PRDM12: variants seen among roughly 807,000 people sequenced by gnomAD.
PRDM12 encodes the protein PR/SET domain 12.
Under a neutral mutation model 29.6 loss-of-function variants are expected in PRDM12, and 17 were observed. The observed-to-expected ratio is 0.57, with a 90% CI of 0.39 to 0.86. The LOEUF (loss-of-function observed/expected upper bound fraction) is 0.86, where lower values mean the gene tolerates loss of function less well. PRDM12 is among the 40% of genes least tolerant of loss of function. PRDM12 has a pLI of 0.00. For synonymous variants in PRDM12, 231 were observed against 225.8 expected, an observed-to-expected ratio of 1.02 and a Z score of -0.21; for missense variants, 422 against 510.8, an observed-to-expected ratio of 0.83 and a Z score of 1.68.
In PRDM12 at chr9:130,680,655, ATATAT is replaced by A. The variant is rs1273124051; in HGVS notation, c.683-591_683-587del. ...AAAAAATATATATATATATATATAT[ATATAT>A]TTTTTTTTTTTTTAACTGATCCTTA... On this transcript the variant is annotated intron_variant, in intron 4 of 4. Coordinates refer to ENST00000253008, the MANE Select transcript of PRDM12 (RefSeq NM_021619.3). Among the ~76,000 whole-genome samples, 221 of 85,548 alleles carry A rather than the reference ATATAT, an allele frequency of 2.6e-3. 2 individuals are homozygous for A. In the South Asian group the frequency reaches 0.027, roughly 10 times the overall value. 56.1% of individuals were successfully genotyped at this position (85,548 alleles called of 152,430 possible). A position where few individuals can be genotyped will look rare whatever the true frequency, so the allele number is the denominator to read the frequency against.
Position 130,681,470 on chromosome 9 carries a change from A to G in PRDM12, c.905A>G (p.Gln302Arg). 6.4e-7 allele frequency: 1 copy of G among 1,557,722 alleles called. No homozygotes were observed. Among genetic ancestry groups the G allele is most frequent in the Non-Finnish European group, 8.7e-7 (1 of 1,154,784 alleles). ...LHTGERPYKC[Q>R]VCQSAYSQLA... is the part of the protein sequence containing the mutation. ...ACGGGCGAGCGCCCCTACAAGTGCC[A>G]GGTGTGCCAGAGCGCCTACTCGCAG... The change falls in exon 5 of 5, where the codon CAG (glutamine) becomes CGG (arginine). Residue 302 changes from glutamine to arginine, a missense_variant. Transcript: ENST00000253008. The surrounding 1 kb of genome is among the most constrained non-coding windows in gnomAD (Gnocchi z 8.1).
chr9:130,666,391 C>G (rs751645484), intron 1 of PRDM12, among the ~76,000 whole-genome samples: 33 of 152,352 alleles, frequency 2.2e-4, no homozygotes, highest in Non-Finnish European at 3.5e-4. Context: ...CACTCGCTTT[C>G]CAGGGCACGG....
Position 130,681,891 on chromosome 9 carries a change from G to C in PRDM12, c.*222G>C, listed in dbSNP as rs894118323. Reference sequence around the variant, plus strand: ...GTCCCTCACCCAGGCCACGCAGCTGGTGCGGCTGTTCGGCCGCCTCCTCTG... The same window carrying C: ...GTCCCTCACCCAGGCCACGCAGCTGCTGCGGCTGTTCGGCCGCCTCCTCTG... On this transcript the variant is annotated 3_prime_UTR_variant, in exon 5 of 5. Coordinates refer to ENST00000253008, the MANE Select transcript of PRDM12 (RefSeq NM_021619.3). This position sits in a 1 kb window ranked among gnomAD's most constrained non-coding sequence, Gnocchi z 8.1. The C allele has an allele frequency of 8.9e-5, 25 of 282,404 alleles. 3 individuals are homozygous for C. The highest frequency in any genetic ancestry group is 5.8e-4 in the Admixed American group (9 of 15,442). The allele number at this position is 282,404 out of a possible 1,614,324, so 17.5% of individuals were successfully genotyped here.
intron 3 of PRDM12, among the ~76,000 whole-genome samples, chr9:130,669,183 C>T (rs1433024214): frequency 2.6e-5 from 4 of 151,594 alleles, no homozygotes; most frequent in South Asian, 4.2e-4. Flanking sequence ...AAAAATTAGC[C>T]GGGCATGGTG....
chr9:130,681,689 G>C lies in PRDM12; in HGVS notation c.*20G>C. The C allele has an allele frequency of 1.0e-6, 1 of 980,486 alleles. No individual in the cohort carries two copies. Among genetic ancestry groups the C allele is most frequent in the South Asian group, 4.5e-5 (1 of 22,030 alleles). 60.7% of individuals were successfully genotyped at this position (980,486 alleles called of 1,614,324 possible). The stretch of plus-strand genomic sequence containing the variant: ...CTGTGAGCGCGCCCGCGCCCCCGCC[G>C]GGCCCCGCGCGCTCCTGGGTCCCCG... On this transcript the variant is annotated 3_prime_UTR_variant, in exon 5 of 5. Transcript: ENST00000253008. The surrounding 1 kb of genome is among the most constrained non-coding windows in gnomAD (Gnocchi z 8.1).
At chr9:130,678,422 C>T in intron 3 of PRDM12, 107 bp from the exon 4 acceptor site, 1 of 773,116 alleles carries the variant, frequency 1.3e-6, no homozygotes, top group South Asian at 1.7e-5. Flanking sequence ...TTTCTCAGGG[C>T]TGAGACTGGG....
At chr9:130,670,374 C>G (rs899401936) in intron 3 of PRDM12, among the ~76,000 whole-genome samples, 10 of 152,120 alleles carry the variant, frequency 6.6e-5, no homozygotes, top group African/African-American at 2.4e-4. Context: ...TAACAACACC[C>G]CAGAGACTCT....
chr9:130,675,281 G>A (rs1187308512), intron 3 of PRDM12, among the ~76,000 whole-genome samples: 1 of 152,262 alleles, frequency 6.6e-6, no homozygotes, highest in Non-Finnish European at 1.5e-5. Context: ...GAGCCTGGAG[G>A]TGGAGTTCAG....
chr9:130,669,815 CAA>C (rs55753417), intron 3 of PRDM12, among the ~76,000 whole-genome samples: 931 of 44,014 alleles, frequency 0.021, 6 homozygotes, highest in African/African-American at 0.063. Flanking sequence ...GACTCCATCT[CAA>C]AAAAAAAAAA....
chr9:130,671,386 C>CACAT (rs1830787914), intron 3 of PRDM12, among the ~76,000 whole-genome samples: 1 of 150,458 alleles, frequency 6.6e-6, no homozygotes, highest in Non-Finnish European at 1.5e-5. Context: ...CACACACACA[C>CACAT]ACACACACAC....
In PRDM12 at chr9:130,666,632, T is replaced by G; in HGVS notation, c.248T>G (p.Val83Gly). Residue 83 changes from valine to glycine, a missense_variant, in exon 2 of 5, where the codon GTG becomes GGG. By Grantham distance (109) the Val-to-Gly change is moderately radical (BLOSUM62 -3). Around this residue, in one of 5 missense-constraint regions of PRDM12, gnomAD observed 300 missense variants for 350.0 expected, o/e 0.86. Coordinates refer to ENST00000253008, the MANE Select transcript of PRDM12 (RefSeq NM_021619.3). Reference protein sequence around the residue: ...SGEVQKLSSLVLPAEVIIAQS... With the variant: ...SGEVQKLSSLGLPAEVIIAQS... ...GAAGTGCAGAAGCTGTCCAGCCTGG[T>G]GCTGCCTGCGGAGGTGATCATCGCT... is the stretch of plus-strand genomic sequence containing the variant. 6.2e-7 allele frequency: 1 copy of G among 1,612,112 alleles called. No homozygotes were observed. Among genetic ancestry groups the G allele is most frequent in the Non-Finnish European group, 8.5e-7 (1 of 1,179,358 alleles).
Position 130,668,384 on chromosome 9 carries a change from A to G in PRDM12, c.570+71A>G. 1 of 1,594,656 alleles carries G rather than the reference A, an allele frequency of 6.3e-7. No individual in the cohort carries two copies. Among genetic ancestry groups the G allele is most frequent in the South Asian group, 1.1e-5 (1 of 88,884 alleles). ...CCCGGCGGGGGGAGGTGTGCAGGGC[A>G]GCGGTGTCCAGGAACCACAGTGGAC... is the stretch of plus-strand genomic sequence containing the variant. On this transcript the variant is annotated intron_variant, in intron 3 of 4. Transcript: ENST00000253008. This position sits in a 1 kb window ranked among gnomAD's most constrained non-coding sequence, Gnocchi z 4.0.
intron 3 of PRDM12, among the ~76,000 whole-genome samples, chr9:130,677,216 C>T (rs542294164): frequency 3.3e-5 from 5 of 152,364 alleles, no homozygotes; most frequent in South Asian, 2.1e-4. Flanking sequence ...TGAGCCACCA[C>T]GCCCGACCTC....
chr9:130,680,622 CT>C (rs1830885042), intron 4 of PRDM12, among the ~76,000 whole-genome samples: 1 of 53,042 alleles, frequency 1.9e-5, no homozygotes, highest in South Asian at 8.0e-4. Context: ...GAGACTCCGT[CT>C]AAAAAAAAAA....
In PRDM12 at chr9:130,681,569, C is replaced by T. The variant is rs1178737009; in HGVS notation, c.1004C>T (p.Pro335Leu). ...AGCACCGCGCTGCAGGCACACTCGCCCGCGCTGCCCGCCCCGCACGCGCAC... is the reference window on the plus strand; with the variant it reads ...AGCACCGCGCTGCAGGCACACTCGCTCGCGCTGCCCGCCCCGCACGCGCAC... ...PPSTALQAHS[P>L]ALPAPHAHAP... Residue 335 changes from proline to leucine, a missense_variant, in exon 5 of 5, where the codon CCC (proline) becomes CTC (leucine). Coordinates refer to ENST00000253008, the MANE Select transcript of PRDM12 (RefSeq NM_021619.3). This position sits in a 1 kb window ranked among gnomAD's most constrained non-coding sequence, Gnocchi z 8.1. 1.7e-6 allele frequency: 2 copies of T among 1,205,162 alleles called. No individual in the cohort carries two copies. The highest frequency in any genetic ancestry group is 1.0e-6 in the Non-Finnish European group (1 of 970,820). The allele number at this position is 1,205,162 out of a possible 1,614,324, so 74.7% of individuals were successfully genotyped here. A position where few individuals can be genotyped will look rare whatever the true frequency, so the allele number is the denominator to read the frequency against.
rs1370684617 is a variant in PRDM12 at position 130,681,749 on chromosome 9, C to T, written c.*80C>T. 5.2e-6 allele frequency: 5 copies of T among 970,630 alleles called. No individual in the cohort carries two copies. The highest frequency in any genetic ancestry group is 3.5e-5 in the African/African-American group (2 of 56,828). 60.1% of individuals were successfully genotyped at this position (970,630 alleles called of 1,614,324 possible). A position where few individuals can be genotyped will look rare whatever the true frequency, so the allele number is the denominator to read the frequency against. On this transcript the variant is annotated 3_prime_UTR_variant, in exon 5 of 5. Transcript: ENST00000253008. The surrounding 1 kb of genome is among the most constrained non-coding windows in gnomAD (Gnocchi z 8.1). ...CCCCGCAGCGCGACTCGCCCTCCAG[C>T]CCCAACCCCCGGCCCGGCGCCGCCG...
chr9:130,678,004 A>G (rs748889611), intron 3 of PRDM12, among the ~76,000 whole-genome samples: 3 of 101,180 alleles, frequency 3.0e-5, no homozygotes, highest in Admixed American at 1.2e-4. Context: ...AGACACTCAG[A>G]GCCCTGTGCT....
In PRDM12 at chr9:130,678,603, G is replaced by GC; in HGVS notation, c.648dup (p.Gly217ArgfsTer12). The GC allele has an allele frequency of 6.2e-7, 1 of 1,613,374 alleles. No homozygotes were observed. Among genetic ancestry groups the GC allele is most frequent in the Non-Finnish European group, 8.5e-7 (1 of 1,179,548 alleles). ...ACACCTTCCTGGGGATCCCAGGTGTGCCCGGGCTAGAGGAGGACCAGAAAA... is the reference window on the plus strand; with the variant it reads ...ACACCTTCCTGGGGATCCCAGGTGTGCCCCGGGCTAGAGGAGGACCAGAAAA... On this transcript the variant is annotated frameshift_variant, in exon 4 of 5. Transcript: ENST00000253008. LOFTEE classifies it high-confidence loss of function.
intron 4 of PRDM12, among the ~76,000 whole-genome samples, chr9:130,679,959 C>T (rs999699698): frequency 1.3e-5 from 2 of 151,998 alleles, no homozygotes; most frequent in African/African-American, 4.8e-5. Flanking sequence ...CCGTGGTCAG[C>T]GGTCCTTATT....
Sources: allele counts gnomAD v4.1 joint callset (sites outside exome capture counted in the v4.1 genomes callset), GRCh38; gene constraint gnomAD v4.1.1; regional missense constraint gnomAD v4.1.1; non-coding constraint Gnocchi (gnomAD v3.1); transcripts MANE v1.5; gene names NCBI Gene and HGNC (gene_info 2026-07-23, HGNC 2026-07-21).